Variants in PCTP observed in about 807,000 individuals in gnomAD.
The protein encoded by PCTP is START domain-containing protein 2.
In PCTP, 27 loss-of-function variants were observed where a neutral mutation model predicts 31.0. The observed-to-expected ratio is 0.87, with a 90% CI of 0.64 to 1.20. The LOEUF (loss-of-function observed/expected upper bound fraction) is 1.20. Ranked by LOEUF, PCTP falls within the 50% of genes most tolerant of loss-of-function variation. The pLI is 0.00. For synonymous variants in PCTP, 108 were observed against 101.2 expected (o/e 1.07, Z -0.40); for missense variants, 287 against 268.2 (o/e 1.07, Z -0.49).
chr17:55,836,391 C>T (rs1905778928), intron 5 of PCTP, among the ~76,000 whole-genome samples: 1 of 152,114 alleles, frequency 6.6e-6, no homozygotes, highest in South Asian at 2.1e-4. Context: ...ATTATTTTTT[C>T]ATTGAATATA....
intron 5 of PCTP, among the ~76,000 whole-genome samples, chr17:55,834,642 T>C (rs1248609403): frequency 6.6e-6 from 1 of 152,008 alleles, no homozygotes; most frequent in African/African-American, 2.4e-5. Context: ...ATGGTGTGGA[T>C]GGTGTATGGG....
At position 55,765,755 on chromosome 17, in the gene PCTP, G is replaced by T. The variant is rs377148343; in HGVS notation, c.142-1580G>T. Among the ~76,000 whole-genome samples the T allele has an allele frequency of 1.4e-4, 21 of 152,290 alleles. 2 individuals carry two copies. Among genetic ancestry groups the T allele is most frequent in the Admixed American group, 9.1e-4 (14 of 15,306 alleles). ...ATCCATTAGTTTTCCATAGCAATGA[G>T]AATAAAATCTTTACCTCTTACCCTG... On this transcript the variant is annotated intron_variant, in intron 1 of 5. Transcript: ENST00000268896.
Position 55,767,391 on chromosome 17 carries a change from T to C in PCTP, c.198T>C (p.Thr66=). The change falls in exon 2 of 6, where the codon ACT becomes ACC. Residue 66 remains threonine (T), a synonymous_variant. Coordinates refer to ENST00000268896, the MANE Select transcript of PCTP (RefSeq NM_021213.4). ...VFGVLEDCSP[T]LLADIYMDSD... The stretch of plus-strand genomic sequence containing the variant: ...GTGTTCTGGAGGACTGCTCACCAAC[T>C]CTACTGGCAGACATCTATATGGACT... 1 of 1,613,672 alleles carries C rather than the reference T, an allele frequency of 6.2e-7. No homozygotes were observed. The highest frequency in any genetic ancestry group is 8.5e-7 in the Non-Finnish European group (1 of 1,179,602).
At position 55,776,284 on chromosome 17, in the gene PCTP, A is replaced by G. The variant is rs1285250344; in HGVS notation, c.*184A>G. On this transcript the variant is annotated 3_prime_UTR_variant, in exon 6 of 6. Transcript: ENST00000268896. The stretch of plus-strand genomic sequence containing the variant: ...CCTACACACTACCACATCCTTTCTA[A>G]GCATGTTTGCCTGACATCCAGCTCA... The G allele has an allele frequency of 4.4e-6, 6 of 1,369,030 alleles. No individual in the cohort carries two copies. In the South Asian group the frequency reaches 7.6e-5, roughly 17 times the overall value. The allele number at this position is 1,369,030 out of a possible 1,614,324, so 84.8% of individuals were successfully genotyped here. A position where few individuals can be genotyped will look rare whatever the true frequency, so the allele number is the denominator to read the frequency against.
chr17:55,774,932 G>T, intron 5 of PCTP, 73 bp downstream of exon 5: 3 of 1,450,434 alleles, frequency 2.1e-6, no homozygotes, highest in Non-Finnish European at 2.9e-6. Flanking sequence ...TAGCCCGCGG[G>T]GCTGTCAGGC....
intron 3 of PCTP, among the ~76,000 whole-genome samples, chr17:55,796,104 CATGAA>C (rs1435154789): frequency 6.6e-6 from 1 of 151,918 alleles, no homozygotes; most frequent in Non-Finnish European, 1.5e-5. Flanking sequence ...ATTAAGGCAG[CATGAA>C]AGACCTTTGG....
intron 5 of PCTP, among the ~76,000 whole-genome samples, chr17:55,830,798 A>T (rs1008207192): frequency 6.6e-6 from 1 of 152,210 alleles, no homozygotes; most frequent in Non-Finnish European, 1.5e-5. Context: ...GGAGGTTGCC[A>T]TGATGAAATC....
chr17:55,808,475 A>T (rs1280533611), intron 3 of PCTP, among the ~76,000 whole-genome samples: 1 of 152,236 alleles, frequency 6.6e-6, no homozygotes, highest in Non-Finnish European at 1.5e-5. Context: ...AAGGCTAGAA[A>T]AGTCTGGCAA....
At chr17:55,819,755 T>C (rs1598016408) in intron 3 of PCTP, among the ~76,000 whole-genome samples, 1 of 152,114 alleles carries the variant, frequency 6.6e-6, no homozygotes, top group Non-Finnish European at 1.5e-5. Flanking sequence ...AAAAATAGCT[T>C]ACTACAAATA....
rs146953922 is a variant in PCTP at position 55,773,821 on chromosome 17, G to A, written c.437G>A (p.Arg146Lys). Residue 146 changes from arginine to lysine, a missense_variant, in exon 4 of 6, where the codon AGG (arginine) becomes AAG (lysine). Physicochemically the swap from Arg to Lys is conservative, Grantham distance 26 (BLOSUM62 2). Transcript: ENST00000268896. ...RSTSMPQLGE[R>K]SGVIRVKQYK... ...ACCTCCATGCCTCAGCTTGGCGAGA[G>A]GTCTGGGGTGATCCGGGTGAAGCAA... The A allele has an allele frequency of 6.2e-7, 1 of 1,613,630 alleles. No homozygotes were observed.
At chr17:55,782,474 T>C (rs183108576) in intron 2 of PCTP, among the ~76,000 whole-genome samples, 2 of 152,334 alleles carry the variant, frequency 1.3e-5, no homozygotes, top group African/African-American at 4.8e-5. Context: ...AGCTTAGTCT[T>C]TGATGAGATA....
intron 3 of PCTP, among the ~76,000 whole-genome samples, chr17:55,793,949 G>T (rs752120565): frequency 6.6e-6 from 1 of 152,074 alleles, no homozygotes; most frequent in Non-Finnish European, 1.5e-5. Context: ...TAGAAGTTAA[G>T]TGTTCTCTCC....
At chr17:55,753,256 A>G (rs192618142) in intron 1 of PCTP, among the ~76,000 whole-genome samples, 287 of 152,330 alleles carry the variant, frequency 1.9e-3, no homozygotes, top group Non-Finnish European at 3.0e-3. Context: ...TTTTTGGCCT[A>G]CCAGCTCTCT....
At chr17:55,757,456 AC>A (rs1910098593) in intron 1 of PCTP, among the ~76,000 whole-genome samples, 1 of 151,178 alleles carries the variant, frequency 6.6e-6, no homozygotes, top group Non-Finnish European at 1.5e-5. Flanking sequence ...AGACACACAC[AC>A]ACACACACAC....
chr17:55,773,999 T>TC (rs759216665), intron 4 of PCTP, 104 bp downstream of exon 4: 25 of 1,340,124 alleles, frequency 1.9e-5, no homozygotes, highest in Non-Finnish European at 2.4e-5. Flanking sequence ...TCCCTGAAGG[T>TC]CAGAGGACAG....
downstream of PCTP, among the ~76,000 whole-genome samples, chr17:55,845,887 GGTGTGTGTGTGT>G (rs34179575): frequency 6.4e-4 from 91 of 143,060 alleles, 1 homozygote; most frequent in South Asian, 0.017. Flanking sequence ...AGAGGGTTGG[GGTGTGTGTGTGT>G]GTGTGTGTGT....
At chr17:55,822,179 C>T (rs1300396096) in intron 3 of PCTP, among the ~76,000 whole-genome samples, 1 of 152,140 alleles carries the variant, frequency 6.6e-6, no homozygotes, top group African/African-American at 2.4e-5. Context: ...AAAACAAAGA[C>T]GTCAAATAGT....
At chr17:55,762,438 A>C (rs1260317885) in intron 1 of PCTP, among the ~76,000 whole-genome samples, 1 of 151,870 alleles carries the variant, frequency 6.6e-6, no homozygotes, top group East Asian at 1.9e-4. Context: ...ACTTTATGAA[A>C]CACAAAAGGT....
chr17:55,839,750 C>T (rs1905900183), intron 5 of PCTP, among the ~76,000 whole-genome samples: 1 of 150,698 alleles, frequency 6.6e-6, no homozygotes, highest in Non-Finnish European at 1.5e-5. Context: ...GAAACCCCGT[C>T]TCTACTAAAA....
Sources: allele counts gnomAD v4.1 joint callset (sites outside exome capture counted in the v4.1 genomes callset), GRCh38; gene constraint gnomAD v4.1.1; transcripts MANE v1.5; gene names NCBI Gene and HGNC (gene_info 2026-07-23, HGNC 2026-07-21).